Variants in PTPRD observed in about 807,000 individuals in gnomAD.
PTPRD encodes receptor-type tyrosine-protein phosphatase delta.
Under a neutral mutation model 214.5 loss-of-function variants are expected in PTPRD, and 34 were observed. That is an observed-to-expected ratio of 0.16 (90% CI 0.12 to 0.21). The LOEUF (loss-of-function observed/expected upper bound fraction) is 0.21. Among genes scored for constraint, PTPRD ranks in the 10% least tolerant of loss-of-function variants. The pLI is 1.00. For missense variants in PTPRD, 2,545 were observed against 2,398.7 expected, an observed-to-expected ratio of 1.06 and a Z score of -1.27; for synonymous variants, 1,128 against 845.7, an observed-to-expected ratio of 1.33 and a Z score of -5.79.
chr9:9,794,420 G>C (rs895275650), intron 5 of PTPRD, among the ~76,000 whole-genome samples: 1 of 151,938 alleles, frequency 6.6e-6, no homozygotes, highest in East Asian at 1.9e-4. Flanking sequence ...GAGACTTAAC[G>C]ATTTATGGTA....
At chr9:8,358,396 A>T (rs190977519) in intron 39 of PTPRD, among the ~76,000 whole-genome samples, 4 of 152,150 alleles carry the variant, frequency 2.6e-5, no homozygotes, top group Admixed American at 2.0e-4. Flanking sequence ...AACAGAGCAA[A>T]TGGTCTTTGA....
chr9:8,505,889 C>T (rs377468639), intron 22 of PTPRD, among the ~76,000 whole-genome samples: 3 of 152,002 alleles, frequency 2.0e-5, no homozygotes, highest in Middle Eastern at 3.2e-3. Context: ...GTTTGGTGGT[C>T]GTGATGAAGG....
chr9:10,271,029 T>G (rs2094389225), intron 3 of PTPRD, among the ~76,000 whole-genome samples: 1 of 152,028 alleles, frequency 6.6e-6, no homozygotes, highest in Non-Finnish European at 1.5e-5. Flanking sequence ...CTTGCTATGT[T>G]GCCCAGGTTG....
At chr9:9,083,945 A>T (rs2099762958) in intron 10 of PTPRD, among the ~76,000 whole-genome samples, 3 of 152,280 alleles carry the variant, frequency 2.0e-5, no homozygotes, top group Admixed American at 2.0e-4. Context: ...ACACTTTTAC[A>T]CTGTTGGTGG....
At chr9:8,479,541 T>A (rs950898086) in intron 30 of PTPRD, among the ~76,000 whole-genome samples, 1 of 152,086 alleles carries the variant, frequency 6.6e-6, no homozygotes, top group African/African-American at 2.4e-5. Flanking sequence ...ACAAAAAAAA[T>A]TGAACAAGCT....
chr9:9,859,231 G>C (rs934245934), intron 5 of PTPRD, among the ~76,000 whole-genome samples: 2 of 152,136 alleles, frequency 1.3e-5, no homozygotes, highest in South Asian at 2.1e-4. Context: ...TGTAGAACTA[G>C]AAGTTAATGA....
intron 12 of PTPRD, among the ~76,000 whole-genome samples, chr9:8,678,736 T>A (rs1162718704): frequency 6.6e-6 from 1 of 152,158 alleles, no homozygotes; most frequent in African/African-American, 2.4e-5. Flanking sequence ...TAGAACAAAC[T>A]CCCTTATGTA....
chr9:9,035,606 T>C (rs1051698358), intron 10 of PTPRD, among the ~76,000 whole-genome samples: 1 of 135,092 alleles, frequency 7.4e-6, no homozygotes, highest in South Asian at 2.7e-4. Flanking sequence ...TTAGCTAACA[T>C]AGATGGTCAC....
chr9:8,461,873 C>A (rs1047234380), intron 32 of PTPRD, among the ~76,000 whole-genome samples: 1 of 151,908 alleles, frequency 6.6e-6, no homozygotes, highest in African/African-American at 2.4e-5. Context: ...TGGTCTCGAA[C>A]TCCTGGTCTC....
At chr9:10,259,229 T>G (rs776659011) in intron 3 of PTPRD, among the ~76,000 whole-genome samples, 15 of 152,130 alleles carry the variant, frequency 9.9e-5, no homozygotes, top group Admixed American at 2.6e-4. Context: ...TTTCACCGTG[T>G]TAGTCAGGAT....
intron 2 of PTPRD, among the ~76,000 whole-genome samples, chr9:10,525,114 A>T (rs1300408059): frequency 2.0e-5 from 3 of 151,982 alleles, no homozygotes; most frequent in East Asian, 3.9e-4. Flanking sequence ...CAGTTCTTTT[A>T]TTCCAAGAGA....
rs188681889 is a variant in PTPRD at position 10,262,116 on chromosome 9, G to C, written c.-545+78847C>G. Reference sequence around the variant, plus strand: ...TTAAACCATTTAATTGACAAATGAAGCTGTAAGGATTAAGACTGAAATTAT... The same window carrying C: ...TTAAACCATTTAATTGACAAATGAACCTGTAAGGATTAAGACTGAAATTAT... On this transcript the variant is annotated intron_variant, in intron 3 of 45. Coordinates refer to ENST00000381196, the MANE Select transcript of PTPRD (RefSeq NM_002839.4). Among the ~76,000 whole-genome samples, 580 of 152,132 alleles carry C rather than the reference G, an allele frequency of 3.8e-3. 4 individuals are homozygous for C. The highest frequency in any genetic ancestry group is 0.013 in the African/African-American group (549 of 41,494).
At chr9:10,107,153 G>C (rs2154220444) in intron 3 of PTPRD, among the ~76,000 whole-genome samples, 1 of 151,998 alleles carries the variant, frequency 6.6e-6, no homozygotes, top group Non-Finnish European at 1.5e-5. Flanking sequence ...AAGACTAATG[G>C]GATAACAAAA....
intron 4 of PTPRD, among the ~76,000 whole-genome samples, chr9:10,005,643 A>C (rs1200414056): frequency 6.6e-6 from 1 of 152,104 alleles, no homozygotes; most frequent in Non-Finnish European, 1.5e-5. Context: ...GCCTTCATTA[A>C]TCAAATGCAG....
chr9:10,170,659 C>T (rs893164164), intron 3 of PTPRD, among the ~76,000 whole-genome samples: 2 of 152,134 alleles, frequency 1.3e-5, no homozygotes, highest in Non-Finnish European at 2.9e-5. Flanking sequence ...TGCACTCCAG[C>T]CTGGGCGACA....
intron 9 of PTPRD, among the ~76,000 whole-genome samples, chr9:9,217,014 A>C (rs1453694893): frequency 6.6e-6 from 1 of 152,158 alleles, no homozygotes; most frequent in Non-Finnish European, 1.5e-5. Context: ...AAAAATTCAA[A>C]GAACCAATAT....
At chr9:10,271,663 C>T (rs887387647) in intron 3 of PTPRD, among the ~76,000 whole-genome samples, 1 of 151,790 alleles carries the variant, frequency 6.6e-6, no homozygotes, top group Non-Finnish European at 1.5e-5. Flanking sequence ...CTGCCTCAGC[C>T]TCCTGAGTAG....
intron 10 of PTPRD, among the ~76,000 whole-genome samples, chr9:9,156,730 G>A (rs529113936): frequency 7.0e-6 from 1 of 143,346 alleles, no homozygotes; most frequent in African/African-American, 2.5e-5. Context: ...CCATCTTAGG[G>A]TTCTACCTTG....
Position 8,633,436 on chromosome 9 carries a change from G to C in PTPRD, c.233C>G (p.Ser78Cys), listed in dbSNP as rs1431767316. The C allele has an allele frequency of 4.3e-6, 7 of 1,612,296 alleles. No homozygotes were observed. The South Asian group carries it at 7.7e-5, about 18-fold the overall frequency. ...RFEVIEFDDG[S>C]GSVLRIQPLR... ...GGGTTGTATTCTGAGAACTGATCCA[G>C]ACCCATCGTCAAACTCTATTACCTA... is the stretch of plus-strand genomic sequence containing the variant. Residue 78 changes from serine (S) to cysteine (C), a missense_variant, in exon 14 of 46, where the codon TCT becomes TGT. By Grantham distance (112) the Ser-to-Cys change is moderately radical. Transcript: ENST00000381196.
Sources: allele counts gnomAD v4.1 joint callset (sites outside exome capture counted in the v4.1 genomes callset), GRCh38; gene constraint gnomAD v4.1.1; transcripts MANE v1.5; gene names NCBI Gene and HGNC (gene_info 2026-07-23, HGNC 2026-07-21).